ARHGEF28: variants seen among roughly 807,000 people sequenced by gnomAD.
ARHGEF28 encodes the protein Rho guanine nucleotide exchange factor 28, also known as 190 kDa guanine nucleotide exchange factor.
ARHGEF28 carries 152 observed loss-of-function variants against 206.6 expected under a neutral mutation model. The observed-to-expected ratio is 0.74, with a 90% CI of 0.64 to 0.84. The LOEUF (loss-of-function observed/expected upper bound fraction) is 0.84, where lower values mean the gene tolerates loss of function less well. Ranked by LOEUF, ARHGEF28 falls within the 40% of genes least tolerant of loss-of-function variation. ARHGEF28 has a pLI of 0.00. For synonymous variants in ARHGEF28, 763 were observed against 776.4 expected (o/e 0.98, Z 0.29); for missense variants, 2,028 against 2,073.2 (o/e 0.98, Z 0.42).
intron 1 of ARHGEF28, among the ~76,000 whole-genome samples, chr5:73,681,426 G>A (rs1747091260): frequency 1.3e-5 from 2 of 152,060 alleles, no homozygotes; most frequent in South Asian, 2.1e-4. Flanking sequence ...ATTTATACTC[G>A]GAATAGGAGT....
chr5:73,830,366 A>G (rs1757215909), intron 9 of ARHGEF28, among the ~76,000 whole-genome samples: 1 of 152,006 alleles, frequency 6.6e-6, no homozygotes, highest in African/African-American at 2.4e-5. Flanking sequence ...ATCCTGGCTA[A>G]CACGGTGAAA....
intron 1 of ARHGEF28, among the ~76,000 whole-genome samples, chr5:73,660,128 C>G (rs1235269402): frequency 6.6e-6 from 1 of 152,182 alleles, no homozygotes; most frequent in Non-Finnish European, 1.5e-5. Flanking sequence ...ATCCTCTTAA[C>G]TTTGCCTATG....
chr5:73,690,089 G>T (rs73762157), intron 2 of ARHGEF28, among the ~76,000 whole-genome samples: 1 of 150,544 alleles, frequency 6.6e-6, no homozygotes, highest in African/African-American at 2.4e-5. Flanking sequence ...TCACGTTGCC[G>T]TGAGAAAGTA....
chr5:73,912,890 G>A (rs969410202), intron 35 of ARHGEF28, among the ~76,000 whole-genome samples: 2 of 152,134 alleles, frequency 1.3e-5, no homozygotes, highest in African/African-American at 4.8e-5. Flanking sequence ...TTGTCAGCAT[G>A]GTTTTACATA....
At chr5:73,667,027 C>T (rs1746000397) in intron 1 of ARHGEF28, among the ~76,000 whole-genome samples, 1 of 150,086 alleles carries the variant, frequency 6.7e-6, no homozygotes, top group African/African-American at 2.4e-5. Flanking sequence ...GTCAGAACCA[C>T]TCCGTGGTTG....
chr5:73,675,273 C>G (rs1746582310), intron 1 of ARHGEF28, among the ~76,000 whole-genome samples: 1 of 152,142 alleles, frequency 6.6e-6, no homozygotes, highest in Non-Finnish European at 1.5e-5. Context: ...CCTGCTGAAG[C>G]ATGTTGTGAG....
chr5:73,825,708 AGAT>A (rs1158354255), intron 9 of ARHGEF28, among the ~76,000 whole-genome samples: 1 of 152,202 alleles, frequency 6.6e-6, no homozygotes, highest in Non-Finnish European at 1.5e-5. Flanking sequence ...GAGAAAGGTC[AGAT>A]TCTGAATCCA....
rs778577825 is a variant in ARHGEF28, at chr5:73,909,552, T to C, written c.4302T>C (p.His1434=). ...DQKSRDADRQ[H]EELANVHQLQ... ...AGTCTCGCGACGCGGACAGGCAGCA[T>C]GAGGAGCTGGCCAATGTGCACCAGC... is the stretch of plus-strand genomic sequence containing the variant. The change falls in exon 34 of 36, where the codon CAT becomes CAC. Residue 1434 remains histidine (H), a synonymous_variant. Coordinates refer to ENST00000513042, the MANE Select transcript of ARHGEF28 (RefSeq NM_001177693.2). The C allele has an allele frequency of 1.9e-6, 3 of 1,579,286 alleles. No individual in the cohort carries two copies. Among genetic ancestry groups the C allele is most frequent in the South Asian group, 2.3e-5 (2 of 86,880 alleles).
At chr5:73,650,263 T>C (rs2112162442) in intron 1 of ARHGEF28, among the ~76,000 whole-genome samples, 1 of 145,258 alleles carries the variant, frequency 6.9e-6, no homozygotes, top group African/African-American at 2.6e-5. Context: ...ACCTGAGAGA[T>C]GTTTTCTTTC....
intron 1 of ARHGEF28, among the ~76,000 whole-genome samples, chr5:73,642,655 G>A (rs539384551): frequency 4.0e-5 from 6 of 151,466 alleles, no homozygotes; most frequent in African/African-American, 7.3e-5. Context: ...CCTTGATTCC[G>A]TCTTCTTGGT....
At chr5:73,711,277 TTTC>T (rs1183549010) in intron 2 of ARHGEF28, among the ~76,000 whole-genome samples, 1 of 152,226 alleles carries the variant, frequency 6.6e-6, no homozygotes, top group Non-Finnish European at 1.5e-5. Flanking sequence ...GTCCTCCAAC[TTTC>T]TTCTTTTTCA....
At chr5:73,886,186 G>T (rs1379211146) in intron 25 of ARHGEF28, 82 bp downstream of exon 25, 2 of 1,492,406 alleles carry the variant, frequency 1.3e-6, no homozygotes, top group Non-Finnish European at 1.8e-6. Flanking sequence ...AAGAAAAACA[G>T]TTCAGAATTG....
At chr5:73,878,116 G>T (rs1025765056) in intron 22 of ARHGEF28, among the ~76,000 whole-genome samples, 1 of 151,922 alleles carries the variant, frequency 6.6e-6, no homozygotes, top group African/African-American at 2.4e-5. Flanking sequence ...TCCTGTATTG[G>T]GTGCATGTAT....
chr5:73,865,932 C>CAAAG (rs776673763), intron 17 of ARHGEF28, 33 bp from the exon 18 acceptor site: 2 of 1,463,640 alleles, frequency 1.4e-6, no homozygotes, highest in Non-Finnish European at 1.9e-6. Flanking sequence ...ATACTTTGAT[C>CAAAG]TTACTTTATG....
chr5:73,762,875 C>T (rs73116589), intron 4 of ARHGEF28, among the ~76,000 whole-genome samples: 7,091 of 152,184 alleles, frequency 0.047, 219 homozygotes, highest in African/African-American at 0.082. Context: ...TTAAGTGAGC[C>T]TAAGCAATTG....
intron 7 of ARHGEF28, among the ~76,000 whole-genome samples, chr5:73,784,701 C>T (rs1179950135): frequency 6.6e-6 from 1 of 152,134 alleles, no homozygotes; most frequent in Non-Finnish European, 1.5e-5. Context: ...ACCTGCAACC[C>T]TGGATAACAC....
chr5:73,806,454 T>C (rs1455165143), intron 9 of ARHGEF28, among the ~76,000 whole-genome samples: 1 of 128,656 alleles, frequency 7.8e-6, no homozygotes, highest in Non-Finnish European at 1.6e-5. Context: ...TATATATCTA[T>C]ATATAGTATG....
At chr5:73,927,299 C>A (rs1264449902) in intron 35 of ARHGEF28, among the ~76,000 whole-genome samples, 12 of 152,108 alleles carry the variant, frequency 7.9e-5, no homozygotes, top group African/African-American at 1.4e-4. Flanking sequence ...ATCACATGAG[C>A]CTGGGAGGCT....
At chr5:73,936,379 C>A (rs1764418076) in intron 35 of ARHGEF28, among the ~76,000 whole-genome samples, 1 of 152,170 alleles carries the variant, frequency 6.6e-6, no homozygotes, top group African/African-American at 2.4e-5. Context: ...ACAAGTGTGG[C>A]AATTACCTTA....
Sources: allele counts gnomAD v4.1 joint callset (sites outside exome capture counted in the v4.1 genomes callset), GRCh38; gene constraint gnomAD v4.1.1; transcripts MANE v1.5; gene names NCBI Gene and HGNC (gene_info 2026-07-23, HGNC 2026-07-21).